USP40: variants seen among roughly 807,000 people sequenced by gnomAD.
USP40 encodes the protein ubiquitin specific peptidase 40.
USP40 carries 143 observed loss-of-function variants against 166.2 expected under a neutral mutation model. The observed-to-expected ratio is 0.86, with a 90% CI of 0.75 to 0.99. The LOEUF (loss-of-function observed/expected upper bound fraction) is 0.99. Among genes scored for constraint, USP40 ranks in the 50% least tolerant of loss-of-function variants. USP40 has a pLI of 0.00. For missense variants in USP40, 1,444 were observed against 1,479.7 expected, an observed-to-expected ratio of 0.98 and a Z score of 0.40; for synonymous variants, 498 against 524.0, an observed-to-expected ratio of 0.95 and a Z score of 0.68.
chr2:233,557,090 T>C lies in USP40; in HGVS notation c.382-71A>G, dbSNP rs1039919360. The C allele has an allele frequency of 3.6e-6, 5 of 1,370,556 alleles. No individual in the cohort carries two copies. In the African/African-American group the frequency reaches 4.4e-5, roughly 12 times the overall value. 84.9% of individuals were successfully genotyped at this position (1,370,556 alleles called of 1,614,324 possible). A position where few individuals can be genotyped will look rare whatever the true frequency, so the allele number is the denominator to read the frequency against. ...TTTAAAACATTAAAAAAACAAACAT[T>C]AGTCAATAAAAACTCAAGATTTATC... is the stretch of plus-strand genomic sequence containing the variant. On this transcript the variant is annotated intron_variant, in intron 4 of 31. Coordinates refer to ENST00000678225, the MANE Select transcript of USP40 (RefSeq NM_001365479.2).
intron 30 of USP40, 99 bp downstream of exon 30, chr2:233,485,432 G>A: frequency 1.1e-6 from 1 of 929,448 alleles, no homozygotes; most frequent in Non-Finnish European, 1.6e-6. Flanking sequence ...TGTATAAAAT[G>A]GGATAATCTG....
chr2:233,499,251 C>T (rs931965707), intron 22 of USP40, among the ~76,000 whole-genome samples: 1 of 141,764 alleles, frequency 7.1e-6, no homozygotes, highest in Non-Finnish European at 1.5e-5. Flanking sequence ...TAAGTAAGAA[C>T]ATGTGGTGTC....
Position 233,477,507 on chromosome 2 carries a change from CAG to C in USP40, c.3600-6_3600-5del, listed in dbSNP as rs1486575250. On this transcript the variant is annotated splice_region_variant and splice_polypyrimidine_tract_variant and intron_variant, in intron 31 of 31. Transcript: ENST00000678225. ...CTGCTCATGGAGGGCTTCTTGGCTG[CAG>C]AGACACAGACACTGTCATTGACTCA... The C allele has an allele frequency of 9.3e-6, 15 of 1,611,458 alleles. No homozygotes were observed. In the African/African-American group the frequency reaches 1.3e-4, roughly 14 times the overall value.
Position 233,560,520 on chromosome 2 carries a change from G to C in USP40, c.268-596C>G, listed in dbSNP as rs2125397987. Among the ~76,000 whole-genome samples the C allele has an allele frequency of 2.0e-5, 3 of 152,184 alleles. No homozygotes were observed. In the South Asian group the frequency reaches 6.2e-4, roughly 32 times the overall value. Reference sequence around the variant, plus strand: ...CCCATGGCATTTTTATTATATACTAGAAAAGTGCTAATCTGCAACAGATTG... The same window carrying C: ...CCCATGGCATTTTTATTATATACTACAAAAGTGCTAATCTGCAACAGATTG... On this transcript the variant is annotated intron_variant, in intron 3 of 31. Coordinates refer to ENST00000678225, the MANE Select transcript of USP40 (RefSeq NM_001365479.2).
chr2:233,527,547 C>G lies in USP40; in HGVS notation c.1585G>C (p.Glu529Gln). 6.2e-7 allele frequency: 1 copy of G among 1,611,440 alleles called. No homozygotes were observed. Among genetic ancestry groups the G allele is most frequent in the Admixed American group, 1.7e-5 (1 of 59,522 alleles). Reference sequence around the variant, plus strand: ...TGAGGGCCCAGGTGAAGATGCAATTCAAAAGTATTGTTTGCAGAATCACAT... The same window carrying G: ...TGAGGGCCCAGGTGAAGATGCAATTGAAAAGTATTGTTTGCAGAATCACAT... ...AECDSANNTF[E>Q]LHLHLGPQYH... The change falls in exon 13 of 32, where the codon GAA becomes CAA. Residue 529 changes from glutamate to glutamine, a missense_variant. Transcript: ENST00000678225.
chr2:233,491,350 T>C (rs745864417), intron 25 of USP40, 89 bp from the exon 26 acceptor site: 165 of 987,010 alleles, frequency 1.7e-4, no homozygotes, highest in Non-Finnish European at 2.4e-4. Flanking sequence ...ATATTGTAAA[T>C]AGGTTATTAA....
intron 21 of USP40, among the ~76,000 whole-genome samples, chr2:233,509,838 TAAAAAA>T (rs746629187): frequency 2.5e-5 from 2 of 80,796 alleles, no homozygotes; most frequent in African/African-American, 8.7e-5. Context: ...TGAGACTCTC[TAAAAAA>T]AAAAAAAAAA....
rs1020105168 is a variant in USP40 at position 233,480,869 on chromosome 2, G to T, written c.3599+334C>A. Among the ~76,000 whole-genome samples, 16 of 152,256 alleles carry T rather than the reference G, an allele frequency of 1.1e-4. No individual in the cohort carries two copies. The highest frequency in any genetic ancestry group is 8.5e-4 in the Admixed American group (13 of 15,298). On this transcript the variant is annotated intron_variant, in intron 31 of 31. Coordinates refer to ENST00000678225, the MANE Select transcript of USP40 (RefSeq NM_001365479.2). The surrounding 1 kb of genome is among the most constrained non-coding windows in gnomAD (Gnocchi z 4.5). ...ACGGGGTGGTTCTGGAGACCTGAGG[G>T]TGTGGGAACCTGAAGGGAAAGCCAA...
At chr2:233,485,013 G>C (rs2064855151) in intron 30 of USP40, among the ~76,000 whole-genome samples, 2 of 151,986 alleles carry the variant, frequency 1.3e-5, no homozygotes, top group African/African-American at 4.8e-5. Context: ...AGAGGTTTTG[G>C]GTATATGTGC....
chr2:233,560,266 A>G (rs2071454116), intron 3 of USP40, among the ~76,000 whole-genome samples: 1 of 152,148 alleles, frequency 6.6e-6, no homozygotes, highest in Non-Finnish European at 1.5e-5. Flanking sequence ...TCTGATACAC[A>G]CAATTTCCCC....
intron 18 of USP40, among the ~76,000 whole-genome samples, chr2:233,517,392 T>TG (rs963921904): frequency 9.5e-5 from 14 of 147,482 alleles, no homozygotes; most frequent in Non-Finnish European, 1.5e-4. Context: ...TTTTGTTTTT[T>TG]TTTTTTTTTT....
chr2:233,478,036 T>C (rs1280793017), intron 31 of USP40, among the ~76,000 whole-genome samples: 7 of 152,372 alleles, frequency 4.6e-5, no homozygotes, highest in Middle Eastern at 3.4e-3. Flanking sequence ...GCCTGATGTG[T>C]GTGGCCCACC....
chr2:233,541,610 T>C (rs1042094412), intron 9 of USP40, among the ~76,000 whole-genome samples: 3 of 152,316 alleles, frequency 2.0e-5, no homozygotes, highest in African/African-American at 4.8e-5. Context: ...ATTCATACAA[T>C]AGTCATAGAT....
Position 233,551,595 on chromosome 2 carries a change from G to GA in USP40, c.694-77dup. 19 of 1,377,480 alleles carry GA rather than the reference G, an allele frequency of 1.4e-5. 1 individual carries two copies. The South Asian group carries it at 2.8e-4, about 20-fold the overall frequency. The allele number at this position is 1,377,480 out of a possible 1,614,324, so 85.3% of individuals were successfully genotyped here. ...GGATACATAATGTTTCTTAAGGTCTGAAAAAACAACCTATGACACAGTTCT... is the reference window on the plus strand; with the variant it reads ...GGATACATAATGTTTCTTAAGGTCTGAAAAAAACAACCTATGACACAGTTCT... On this transcript the variant is annotated intron_variant, in intron 6 of 31. Coordinates refer to ENST00000678225, the MANE Select transcript of USP40 (RefSeq NM_001365479.2).
chr2:233,517,781 G>GGTGTGTGTGTGTGTGTGT (rs111938537), intron 18 of USP40, among the ~76,000 whole-genome samples: 7 of 142,250 alleles, frequency 4.9e-5, no homozygotes, highest in African/African-American at 1.6e-4. Context: ...AAGAAACTGT[G>GGTGTGTGTGTGTGTGTGT]GTGTGTGTGT....
chr2:233,534,561 G>A (rs1480618859), intron 10 of USP40, among the ~76,000 whole-genome samples: 1 of 152,196 alleles, frequency 6.6e-6, no homozygotes, highest in Admixed American at 6.5e-5. Context: ...TGGAAAGAAA[G>A]TAATTTGTGG....
chr2:233,547,345 T>C (rs2070054367), intron 8 of USP40, among the ~76,000 whole-genome samples: 1 of 152,168 alleles, frequency 6.6e-6, no homozygotes, highest in Non-Finnish European at 1.5e-5. Context: ...TTTTTTCATA[T>C]CCAAACTTTA....
At position 233,529,491 on chromosome 2, in the gene USP40, C is replaced by G. The variant is rs757534268; in HGVS notation, c.1493G>C (p.Gly498Ala). 42 of 1,584,920 alleles carry G rather than the reference C, an allele frequency of 2.6e-5. No individual in the cohort carries two copies. Among genetic ancestry groups the G allele is most frequent in the Non-Finnish European group, 3.5e-5 (41 of 1,164,012 alleles). ...TTCATTCAGTAAATGACATGGAACC[C>G]CATATCTTGGATTAGCTCGAGCTGT... The part of the protein sequence containing the change: ...PPEARANPRY[G>A]VPCHLLNEMD... The change falls in exon 12 of 32, where the codon GGG becomes GCG. Residue 498 changes from glycine (G) to alanine (A), a missense_variant. Physicochemically the swap from Gly to Ala is moderately conservative, Grantham distance 60 (BLOSUM62 0). Transcript: ENST00000678225.
chr2:233,540,647 G>A lies in USP40; in HGVS notation c.1170+15C>T, dbSNP rs780021571. Reference sequence around the variant, plus strand: ...TCTTGGGACTAGGACTTCCCAAAACGATGCCATGTATTACCTTCCGCAGTG... The same window carrying A: ...TCTTGGGACTAGGACTTCCCAAAACAATGCCATGTATTACCTTCCGCAGTG... On this transcript the variant is annotated intron_variant, in intron 10 of 31. Coordinates refer to ENST00000678225, the MANE Select transcript of USP40 (RefSeq NM_001365479.2). 19 of 1,566,026 alleles carry A rather than the reference G, an allele frequency of 1.2e-5. No individual in the cohort carries two copies. Among genetic ancestry groups the A allele is most frequent in the Non-Finnish European group, 1.6e-5 (18 of 1,142,138 alleles).
Sources: gnomAD v4.1 joint callset for allele counts (sites outside exome capture counted in the v4.1 genomes callset) on GRCh38, gnomAD v4.1.1 for gene constraint, Gnocchi (gnomAD v3.1) non-coding constraint, MANE v1.5 for transcripts, NCBI Gene and HGNC (gene_info 2026-07-23, HGNC 2026-07-21) for gene names.